The following FHIT variants were observed in gnomAD, a reference collection of about 807,000 sequenced individuals.
FHIT encodes the protein fragile histidine triad diadenosine triphosphatase.
Under a neutral mutation model 17.9 loss-of-function variants are expected in FHIT, and 19 were observed. The ratio of observed to expected loss-of-function variants is 1.06; its 90% CI spans 0.74 to 1.56. FHIT has a LOEUF of 1.56. Ranked by LOEUF, FHIT falls within the 40% of genes most tolerant of loss-of-function variation. FHIT has a pLI of 0.00. For synonymous variants in FHIT, 81 were observed against 69.7 expected, an observed-to-expected ratio of 1.16 and a Z score of -0.81; for missense variants, 248 against 189.2, an observed-to-expected ratio of 1.31 and a Z score of -1.82.
chr3:60,679,285 T>TA (rs1440138074), intron 4 of FHIT, among the ~76,000 whole-genome samples: 2 of 152,190 alleles, frequency 1.3e-5, no homozygotes, highest in Non-Finnish European at 2.9e-5. Flanking sequence ...TAAAAAGTCC[T>TA]ACCCATTTTA....
intron 2 of FHIT, among the ~76,000 whole-genome samples, chr3:61,193,618 A>T (rs2038776521): frequency 6.6e-6 from 1 of 152,248 alleles, no homozygotes; most frequent in Admixed American, 6.5e-5. Context: ...AAAAGTAACC[A>T]GTTATGCATG....
chr3:60,522,825 T>A lies in FHIT; in HGVS notation c.103+14035A>T, dbSNP rs561944110. 2.6e-5 allele frequency among the ~76,000 whole-genome samples: 4 copies of A among 152,296 alleles called. No homozygotes were observed. The East Asian group carries it at 7.7e-4, about 29-fold the overall frequency. ...GATGCTCTTTCCTTATTTAGGTTGG[T>A]GATAGAAAGTTCAGGGCCAACTTTG... On this transcript the variant is annotated intron_variant, in intron 5 of 9. Transcript: ENST00000492590.
At chr3:60,386,939 G>A (rs1017814358) in intron 5 of FHIT, among the ~76,000 whole-genome samples, 2 of 151,974 alleles carry the variant, frequency 1.3e-5, no homozygotes, top group African/African-American at 4.8e-5. Context: ...TTAAAGCTGG[G>A]ATTCTAATCT....
intron 5 of FHIT, among the ~76,000 whole-genome samples, chr3:60,104,783 C>T (rs1415915086): frequency 2.0e-5 from 3 of 152,108 alleles, no homozygotes; most frequent in Non-Finnish European, 4.4e-5. Flanking sequence ...TGCTACCTCG[C>T]CAAAGTTGAG....
intron 2 of FHIT, among the ~76,000 whole-genome samples, chr3:61,191,752 C>A (rs1390089407): frequency 6.6e-6 from 1 of 152,008 alleles, no homozygotes; most frequent in African/African-American, 2.4e-5. Context: ...CAGCCAGAGA[C>A]CCCACACCCA....
At chr3:61,191,046 C>T (rs894291653) in intron 2 of FHIT, among the ~76,000 whole-genome samples, 10 of 151,478 alleles carry the variant, frequency 6.6e-5, no homozygotes, top group African/African-American at 2.2e-4. Flanking sequence ...CAAACCTGCA[C>T]ATTGCGTACA....
intron 4 of FHIT, among the ~76,000 whole-genome samples, chr3:60,723,134 G>A (rs1267738727): frequency 2.0e-5 from 3 of 152,138 alleles, no homozygotes; most frequent in African/African-American, 4.8e-5. Flanking sequence ...TGCCAGCTGT[G>A]TGCAAGGCAG....
chr3:59,926,458 T>C (rs1486253490), intron 7 of FHIT, among the ~76,000 whole-genome samples: 1 of 152,184 alleles, frequency 6.6e-6, no homozygotes, highest in African/African-American at 2.4e-5. Flanking sequence ...CATTCTAATT[T>C]TGGATAGAAA....
At chr3:60,659,652 T>C (rs973346375) in intron 4 of FHIT, among the ~76,000 whole-genome samples, 7 of 152,174 alleles carry the variant, frequency 4.6e-5, no homozygotes, top group Non-Finnish European at 7.3e-5. Context: ...TTGATGTTGC[T>C]AGTTAGTTCA....
intron 8 of FHIT, among the ~76,000 whole-genome samples, chr3:59,759,489 T>C (rs1362051180): frequency 6.6e-6 from 1 of 152,172 alleles, no homozygotes; most frequent in African/African-American, 2.4e-5. Flanking sequence ...CTGGCAGCTT[T>C]CTCCCTGGTG....
chr3:60,950,387 C>T (rs931697341), intron 3 of FHIT, among the ~76,000 whole-genome samples: 7 of 152,122 alleles, frequency 4.6e-5, no homozygotes, highest in Non-Finnish European at 5.9e-5. Flanking sequence ...CAGCCATCTT[C>T]CATTCATAAC....
At chr3:61,104,878 C>A (rs2035945037) in intron 2 of FHIT, among the ~76,000 whole-genome samples, 1 of 152,062 alleles carries the variant, frequency 6.6e-6, no homozygotes, top group Admixed American at 6.6e-5. Flanking sequence ...CTTGTGATTG[C>A]ATTATGAAAT....
chr3:61,034,975 A>C (rs2033172741), intron 3 of FHIT, among the ~76,000 whole-genome samples: 2 of 152,198 alleles, frequency 1.3e-5, no homozygotes, highest in South Asian at 4.1e-4. Flanking sequence ...GAAAGGAATA[A>C]ACTTCTGATA....
chr3:60,311,507 A>C, intron 5 of FHIT, among the ~76,000 whole-genome samples: 1 of 152,216 alleles, frequency 6.6e-6, no homozygotes, highest in East Asian at 1.9e-4. Context: ...TCCAAACACA[A>C]GACTGCTTAA....
chr3:60,243,420 A>T (rs1289531425), intron 5 of FHIT, among the ~76,000 whole-genome samples: 1 of 152,142 alleles, frequency 6.6e-6, no homozygotes, highest in Non-Finnish European at 1.5e-5. Flanking sequence ...ACAAATTAGT[A>T]TTGTCAAGAA....
At chr3:59,899,714 C>A (rs1254484902) in intron 8 of FHIT, among the ~76,000 whole-genome samples, 1 of 151,972 alleles carries the variant, frequency 6.6e-6, no homozygotes, top group Non-Finnish European at 1.5e-5. Context: ...GGTATGGCAG[C>A]ATACGCCTGT....
chr3:60,824,854 G>A (rs1204825785), intron 3 of FHIT, among the ~76,000 whole-genome samples: 1 of 152,130 alleles, frequency 6.6e-6, no homozygotes, highest in African/African-American at 2.4e-5. Context: ...ATGATTGTGA[G>A]GCCACCCCAG....
chr3:60,648,133 C>G (rs576484192), intron 4 of FHIT, among the ~76,000 whole-genome samples: 1 of 152,046 alleles, frequency 6.6e-6, no homozygotes, highest in Non-Finnish European at 1.5e-5. Flanking sequence ...GGTGGGGAGT[C>G]AGGGAGTGGG....
At chr3:60,601,039 G>T (rs2856026) in intron 4 of FHIT, among the ~76,000 whole-genome samples, 83,601 of 152,028 alleles carry the variant, frequency 0.55, 23,759 homozygotes, top group Middle Eastern at 0.67. Flanking sequence ...AGCCCTGCCA[G>T]CAGAGGCTGG....
Sources: gnomAD v4.1 joint callset for allele counts (sites outside exome capture counted in the v4.1 genomes callset) on GRCh38, gnomAD v4.1.1 for gene constraint, MANE v1.5 for transcripts, NCBI Gene and HGNC (gene_info 2026-07-23, HGNC 2026-07-21) for gene names.